The following ADGRL3 variants were observed in gnomAD, a reference collection of about 807,000 sequenced individuals.
ADGRL3 encodes calcium-independent alpha-latrotoxin receptor 3.
Under a neutral mutation model 153.5 loss-of-function variants are expected in ADGRL3, and 62 were observed. The observed-to-expected ratio is 0.40, with a 90% CI of 0.33 to 0.50. The LOEUF is 0.50. Ranked by LOEUF, ADGRL3 falls within the 20% of genes least tolerant of loss-of-function variation. ADGRL3 has a pLI of 0.47. For synonymous variants in ADGRL3, 710 were observed against 672.5 expected, an observed-to-expected ratio of 1.06 and a Z score of -0.86; for missense variants, 1,641 against 1,859.4, an observed-to-expected ratio of 0.88 and a Z score of 2.16.
chr4:61,686,351 A>T (rs2095443130), intron 6 of ADGRL3, among the ~76,000 whole-genome samples: 2 of 152,126 alleles, frequency 1.3e-5, no homozygotes. Flanking sequence ...TTCCAGATAA[A>T]ACTGTTCTAA....
intron 8 of ADGRL3, among the ~76,000 whole-genome samples, chr4:61,749,151 C>T (rs921504799): frequency 3.9e-5 from 6 of 152,000 alleles, no homozygotes; most frequent in Admixed American, 1.3e-4. Context: ...AAATCAAAAC[C>T]GCAATGAGAT....
chr4:61,414,881 C>T (rs1043193568), intron 2 of ADGRL3, among the ~76,000 whole-genome samples: 48 of 151,832 alleles, frequency 3.2e-4, no homozygotes, highest in African/African-American at 1.1e-3. Flanking sequence ...TTGATATTTA[C>T]ATTATCTCAG....
At chr4:61,363,482 T>C (rs947544831) in intron 1 of ADGRL3, among the ~76,000 whole-genome samples, 2 of 152,174 alleles carry the variant, frequency 1.3e-5, no homozygotes, top group Non-Finnish European at 2.9e-5. Context: ...CCCAACCTAA[T>C]ATACGCATGA....
At chr4:61,564,940 A>G (rs1487613272) in intron 4 of ADGRL3, among the ~76,000 whole-genome samples, 1 of 152,212 alleles carries the variant, frequency 6.6e-6, no homozygotes, top group African/African-American at 2.4e-5. Flanking sequence ...TTTTATGGAC[A>G]TGGTTCCTGA....
At chr4:62,015,351 A>G (rs2151304617) in intron 21 of ADGRL3, among the ~76,000 whole-genome samples, 2 of 152,354 alleles carry the variant, frequency 1.3e-5, no homozygotes, top group Middle Eastern at 3.4e-3. Context: ...TGCTAACTCA[A>G]AAACCCTCTT....
chr4:61,237,801 C>A (rs961670371), intron 1 of ADGRL3, among the ~76,000 whole-genome samples: 1 of 152,100 alleles, frequency 6.6e-6, no homozygotes, highest in African/African-American at 2.4e-5. Flanking sequence ...TAAAACAAGT[C>A]CCTTTTAGGA....
chr4:62,059,654 C>T (rs1422981920), intron 25 of ADGRL3, among the ~76,000 whole-genome samples: 1 of 152,112 alleles, frequency 6.6e-6, no homozygotes, highest in African/African-American at 2.4e-5. Flanking sequence ...GCATGACACT[C>T]ATTATAGCTA....
intron 1 of ADGRL3, among the ~76,000 whole-genome samples, chr4:61,326,289 A>G (rs895136692): frequency 3.3e-5 from 5 of 152,090 alleles, no homozygotes; most frequent in African/African-American, 9.7e-5. Flanking sequence ...ATCTAGACAT[A>G]TATTCACATC....
intron 2 of ADGRL3, among the ~76,000 whole-genome samples, chr4:61,470,634 T>A (rs933747720): frequency 3.3e-5 from 5 of 151,944 alleles, no homozygotes; most frequent in African/African-American, 7.2e-5. Context: ...AAGGTAGTAT[T>A]CCTCTTTGGG....
At chr4:61,963,672 A>G (rs2098996465) in intron 17 of ADGRL3, among the ~76,000 whole-genome samples, 1 of 152,152 alleles carries the variant, frequency 6.6e-6, no homozygotes, top group African/African-American at 2.4e-5. Flanking sequence ...ATTAATGGGC[A>G]TCTAGGTTGA....
At chr4:62,008,201 T>G (rs1024275559) in intron 21 of ADGRL3, among the ~76,000 whole-genome samples, 3 of 152,166 alleles carry the variant, frequency 2.0e-5, no homozygotes, top group African/African-American at 7.2e-5. Flanking sequence ...AATGTAGTAG[T>G]GGACAGAGAT....
chr4:61,630,532 T>C (rs540297437), intron 5 of ADGRL3, among the ~76,000 whole-genome samples: 17 of 152,350 alleles, frequency 1.1e-4, no homozygotes, highest in African/African-American at 3.8e-4. Flanking sequence ...TTTCTCTTTT[T>C]ATCCTTTACC....
chr4:61,934,547 A>G (rs2098830370), intron 13 of ADGRL3, among the ~76,000 whole-genome samples: 1 of 152,146 alleles, frequency 6.6e-6, no homozygotes. Context: ...TAATTATGTG[A>G]TCATAGTCTT....
At chr4:61,411,205 T>C (rs1020226245) in intron 2 of ADGRL3, among the ~76,000 whole-genome samples, 12 of 152,128 alleles carry the variant, frequency 7.9e-5, no homozygotes, top group Admixed American at 5.9e-4. Context: ...TCTGATCATA[T>C]ATTACATTCA....
intron 1 of ADGRL3, among the ~76,000 whole-genome samples, chr4:61,305,403 G>A (rs919473838): frequency 3.9e-5 from 6 of 152,110 alleles, no homozygotes; most frequent in African/African-American, 9.7e-5. Flanking sequence ...TAAAATAACT[G>A]TAGTACATAT....
At position 61,413,127 on chromosome 4, in the gene ADGRL3, C is replaced by T. The variant is rs557238755; in HGVS notation, c.-174+29938C>T. ...TGCAGGTGGAGCTGATAGAAGTCCA[C>T]GTTCCACACTCAGCTACTGCTGATA... On this transcript the variant is annotated intron_variant, in intron 2 of 26. Transcript: ENST00000683033. Among the ~76,000 whole-genome samples, 192 of 152,238 alleles carry T rather than the reference C, an allele frequency of 1.3e-3. 10 individuals are homozygous for T. The South Asian group carries it at 0.037, about 29-fold the overall frequency.
intron 1 of ADGRL3, among the ~76,000 whole-genome samples, chr4:61,206,703 T>C (rs1260192442): frequency 6.6e-6 from 1 of 152,136 alleles, no homozygotes; most frequent in Non-Finnish European, 1.5e-5. Flanking sequence ...TTTTAGAGGC[T>C]GAGTGCAGTG....
intron 5 of ADGRL3, among the ~76,000 whole-genome samples, chr4:61,646,293 T>G (rs1424495950): frequency 1.3e-5 from 2 of 152,216 alleles, no homozygotes; most frequent in East Asian, 3.9e-4. Context: ...CTCGTCAAAG[T>G]CATTCTCCAT....
At chr4:61,456,817 G>A (rs1341541819) in intron 2 of ADGRL3, among the ~76,000 whole-genome samples, 1 of 151,790 alleles carries the variant, frequency 6.6e-6, no homozygotes, top group Non-Finnish European at 1.5e-5. Flanking sequence ...AATGTATTAT[G>A]ATATGGTGAA....
Sources: gnomAD v4.1 joint callset for allele counts (sites outside exome capture counted in the v4.1 genomes callset) on GRCh38, gnomAD v4.1.1 for gene constraint, MANE v1.5 for transcripts, NCBI Gene and HGNC (gene_info 2026-07-23, HGNC 2026-07-21) for gene names.